The following DPP10 variants were observed in gnomAD, a reference collection of about 807,000 sequenced individuals.
DPP10 encodes the protein inactive dipeptidyl peptidase 10.
DPP10 carries 33 observed loss-of-function variants against 120.9 expected under a neutral mutation model. The ratio of observed to expected loss-of-function variants is 0.27; its 90% confidence interval spans 0.21 to 0.37. The LOEUF (loss-of-function observed/expected upper bound fraction) is 0.37. Among genes scored for constraint, DPP10 ranks in the 10% least tolerant of loss-of-function variants. DPP10 has a pLI of 1.00. For missense variants in DPP10, 816 were observed against 942.8 expected, an observed-to-expected ratio of 0.87 and a Z score of 1.76; for synonymous variants, 337 against 326.1, an observed-to-expected ratio of 1.03 and a Z score of -0.36.
chr2:115,448,952 C>A (rs2072864054), intron 3 of DPP10, among the ~76,000 whole-genome samples: 1 of 151,426 alleles, frequency 6.6e-6, no homozygotes, highest in Non-Finnish European at 1.5e-5. Context: ...AACTTGTGGT[C>A]TCTCATACCT....
intron 1 of DPP10, among the ~76,000 whole-genome samples, chr2:114,972,797 G>T (rs78761826): frequency 6.6e-6 from 1 of 152,292 alleles, no homozygotes; most frequent in African/African-American, 2.4e-5. Flanking sequence ...TAGTGACTGC[G>T]ACTGGGGAAA....
chr2:115,719,337 G>A (rs2092585466), intron 7 of DPP10, among the ~76,000 whole-genome samples: 1 of 152,152 alleles, frequency 6.6e-6, no homozygotes, highest in South Asian at 2.1e-4. Flanking sequence ...AGAACTCTTT[G>A]AAAGGGCTTC....
chr2:115,191,364 G>T (rs1422840778), intron 1 of DPP10, among the ~76,000 whole-genome samples: 1 of 152,202 alleles, frequency 6.6e-6, no homozygotes, highest in Non-Finnish European at 1.5e-5. Flanking sequence ...ACTTGTCCCA[G>T]TTCACAGATT....
chr2:115,337,303 G>A (rs531634237), intron 2 of DPP10, among the ~76,000 whole-genome samples: 1 of 152,192 alleles, frequency 6.6e-6, no homozygotes, highest in Admixed American at 6.5e-5. Context: ...TCAGTTGGAA[G>A]AAGGGTTCTA....
intron 1 of DPP10, among the ~76,000 whole-genome samples, chr2:114,787,499 G>A (rs764062467): frequency 8.7e-4 from 132 of 152,168 alleles, no homozygotes; most frequent in Non-Finnish European, 1.6e-3. Context: ...TAAGTTAAAT[G>A]CTAATAAACC....
At chr2:114,731,461 G>A (rs918675789) in intron 1 of DPP10, among the ~76,000 whole-genome samples, 2 of 152,106 alleles carry the variant, frequency 1.3e-5, no homozygotes, top group Non-Finnish European at 2.9e-5. Context: ...TCTTGGGGAG[G>A]TGGTTGTGGG....
intron 13 of DPP10, 64 bp downstream of exon 13, chr2:115,768,468 T>C: frequency 6.9e-7 from 1 of 1,446,072 alleles, no homozygotes; most frequent in Non-Finnish European, 9.6e-7. Flanking sequence ...GGCCCAGTTC[T>C]TGTGGCATTC....
chr2:114,536,554 C>A (rs540370893), intron 1 of DPP10, among the ~76,000 whole-genome samples: 2 of 151,766 alleles, frequency 1.3e-5, no homozygotes, highest in African/African-American at 4.8e-5. Flanking sequence ...TACAGGCGCC[C>A]GCTACCATGC....
At chr2:114,847,237 G>T (rs966691090) in intron 1 of DPP10, among the ~76,000 whole-genome samples, 5 of 151,966 alleles carry the variant, frequency 3.3e-5, no homozygotes, top group Non-Finnish European at 7.4e-5. Flanking sequence ...ATTTCTACAG[G>T]CTCCTTCACA....
At chr2:115,372,552 A>G (rs2065485346) in intron 3 of DPP10, among the ~76,000 whole-genome samples, 1 of 152,202 alleles carries the variant, frequency 6.6e-6, no homozygotes, top group South Asian at 2.1e-4. Context: ...AGCCAGTATG[A>G]AACACTCTTA....
At chr2:114,602,401 G>A (rs899117049) in intron 1 of DPP10, among the ~76,000 whole-genome samples, 2 of 151,808 alleles carry the variant, frequency 1.3e-5, no homozygotes, top group East Asian at 1.9e-4. Flanking sequence ...TAGAAACTAA[G>A]CTCTTTCCAA....
At chr2:114,814,780 T>A (rs535208794) in intron 1 of DPP10, among the ~76,000 whole-genome samples, 1 of 152,332 alleles carries the variant, frequency 6.6e-6, no homozygotes, top group East Asian at 1.9e-4. Flanking sequence ...TTGTTTCTTC[T>A]TCAATTTACC....
intron 3 of DPP10, among the ~76,000 whole-genome samples, chr2:115,347,815 TC>T (rs1417266039): frequency 6.6e-6 from 1 of 152,168 alleles, no homozygotes; most frequent in African/African-American, 2.4e-5. Context: ...CATGAACTCA[TC>T]CTTTTTTGTG....
At chr2:115,742,294 C>T (rs1484270412) in intron 9 of DPP10, among the ~76,000 whole-genome samples, 1 of 152,108 alleles carries the variant, frequency 6.6e-6, no homozygotes, top group Non-Finnish European at 1.5e-5. Flanking sequence ...CAGCTGGAAT[C>T]CAAACATCTC....
chr2:115,091,098 G>A (rs1709216015), intron 1 of DPP10, among the ~76,000 whole-genome samples: 1 of 152,140 alleles, frequency 6.6e-6, no homozygotes, highest in African/African-American at 2.4e-5. Flanking sequence ...TAAAGAGATG[G>A]CCATTGCTTT....
intron 1 of DPP10, among the ~76,000 whole-genome samples, chr2:114,552,960 C>T (rs1258685134): frequency 6.6e-6 from 1 of 152,170 alleles, no homozygotes; most frequent in African/African-American, 2.4e-5. Context: ...ATCACCTTTC[C>T]TTTAATTTCC....
chr2:114,616,158 G>A (rs1038183201), intron 1 of DPP10, among the ~76,000 whole-genome samples: 1 of 152,044 alleles, frequency 6.6e-6, no homozygotes, highest in Non-Finnish European at 1.5e-5. Flanking sequence ...CTGGATTATC[G>A]CTTGTAACTC....
chr2:114,610,513 C>T (rs1693201617), intron 1 of DPP10, among the ~76,000 whole-genome samples: 1 of 152,046 alleles, frequency 6.6e-6, no homozygotes, highest in Non-Finnish European at 1.5e-5. Flanking sequence ...AAAGACAGTC[C>T]TGCTCTTCTT....
At chr2:115,750,579 C>T (rs1006656553) in intron 10 of DPP10, among the ~76,000 whole-genome samples, 3 of 152,000 alleles carry the variant, frequency 2.0e-5, no homozygotes, top group African/African-American at 4.8e-5. Context: ...TGCTTATGAC[C>T]GTAAGCCACA....
Sources: gnomAD v4.1 joint callset for allele counts (sites outside exome capture counted in the v4.1 genomes callset) on GRCh38, gnomAD v4.1.1 for gene constraint, MANE v1.5 for transcripts, NCBI Gene and HGNC (gene_info 2026-07-23, HGNC 2026-07-21) for gene names.